FHIT: variants seen among roughly 807,000 people sequenced by gnomAD.
The protein encoded by FHIT is bis(5'-adenosyl)-triphosphatase.
A neutral mutation model predicts 17.9 loss-of-function variants in FHIT; 19 were observed. That is an observed-to-expected ratio of 1.06 (90% CI 0.74 to 1.56). FHIT has a LOEUF of 1.56. FHIT is among the 40% of genes most tolerant of loss of function. The pLI is 0.00. For missense variants in FHIT, 248 were observed against 189.2 expected (o/e 1.31, Z -1.82); for synonymous variants, 81 against 69.7 (o/e 1.16, Z -0.81).
chr3:61,186,747 G>T (rs1244279026), intron 2 of FHIT, among the ~76,000 whole-genome samples: 1 of 152,100 alleles, frequency 6.6e-6, no homozygotes, highest in Non-Finnish European at 1.5e-5. Context: ...ACCTTTCATC[G>T]TTTTTGTCAC....
At chr3:60,147,852 C>T in intron 5 of FHIT, among the ~76,000 whole-genome samples, 1 of 152,138 alleles carries the variant, frequency 6.6e-6, no homozygotes, top group East Asian at 1.9e-4. Flanking sequence ...CAAGTCTAGG[C>T]CTATTTGTGC....
chr3:60,726,847 CTA>C lies in FHIT; in HGVS notation c.-18+95070_-18+95071del, dbSNP rs752029972. ...AGAGTGAGACCTTGAACCCTGTAGT[CTA>C]TGTTTGTCCTCCTAATAGTGTCTCT... On this transcript the variant is annotated intron_variant, in intron 4 of 9. Transcript: ENST00000492590. Among the ~76,000 whole-genome samples the C allele has an allele frequency of 5.1e-4, 77 of 152,224 alleles. 1 individual carries two copies. The Middle Eastern group carries it at 0.017, about 34-fold the overall frequency.
intron 5 of FHIT, among the ~76,000 whole-genome samples, chr3:60,081,919 T>TTG (rs1703302693): frequency 6.6e-6 from 1 of 151,950 alleles, no homozygotes; most frequent in South Asian, 2.1e-4. Flanking sequence ...GATTTTTTTT[T>TTG]TTGTTCTACA....
At chr3:60,309,894 T>G (rs2106752163) in intron 5 of FHIT, among the ~76,000 whole-genome samples, 1 of 152,246 alleles carries the variant, frequency 6.6e-6, no homozygotes. Flanking sequence ...ACATATTACT[T>G]ACTATAATTT....
At chr3:60,226,015 G>A (rs1420394653) in intron 5 of FHIT, among the ~76,000 whole-genome samples, 2 of 152,110 alleles carry the variant, frequency 1.3e-5, no homozygotes, top group Non-Finnish European at 2.9e-5. Context: ...ACGAATCATG[G>A]GACTAAGCTA....
In FHIT at chr3:60,426,044, C is replaced by T. The variant is rs541666699; in HGVS notation, c.103+110816G>A. Among the ~76,000 whole-genome samples the T allele has an allele frequency of 2.6e-5, 4 of 152,174 alleles. No homozygotes were observed. The South Asian group carries it at 8.3e-4, about 32-fold the overall frequency. ...TCACACAAGTCATGACCAACAGAAC[C>T]ATGTAGAAAAGAGCATTTGTATTAA... On this transcript the variant is annotated intron_variant, in intron 5 of 9. Transcript: ENST00000492590.
intron 4 of FHIT, among the ~76,000 whole-genome samples, chr3:60,631,349 G>A (rs2039437095): frequency 6.6e-6 from 1 of 152,100 alleles, no homozygotes; most frequent in Admixed American, 6.5e-5. Flanking sequence ...CAAATAAAGG[G>A]AAAATTTTCC....
intron 2 of FHIT, among the ~76,000 whole-genome samples, chr3:61,166,627 C>A (rs1041699410): frequency 1.3e-5 from 2 of 152,246 alleles, no homozygotes; most frequent in African/African-American, 4.8e-5. Flanking sequence ...TAACTCAAAT[C>A]TGTTCAACAC....
chr3:60,660,185 A>C (rs2040207069), intron 4 of FHIT, among the ~76,000 whole-genome samples: 1 of 152,184 alleles, frequency 6.6e-6, no homozygotes, highest in Non-Finnish European at 1.5e-5. Context: ...AATCCCCTGG[A>C]AGTCACTTCA....
intron 8 of FHIT, among the ~76,000 whole-genome samples, chr3:59,830,788 A>C (rs563801603): frequency 6.6e-6 from 1 of 151,992 alleles, no homozygotes; most frequent in East Asian, 1.9e-4. Context: ...AAAAAGACTT[A>C]CAGTTAAGCA....
At chr3:60,928,408 C>A (rs7631312) in intron 3 of FHIT, among the ~76,000 whole-genome samples, 36,004 of 147,868 alleles carry the variant, frequency 0.24, 4,486 homozygotes, top group Middle Eastern at 0.33. Flanking sequence ...ATTAGCCAGG[C>A]ATGGTGGAGT....
At chr3:60,025,130 G>C (rs761174767) in intron 5 of FHIT, among the ~76,000 whole-genome samples, 9 of 152,164 alleles carry the variant, frequency 5.9e-5, no homozygotes, top group Non-Finnish European at 1.2e-4. Flanking sequence ...TTGAGATACG[G>C]TGGGTGGGAC....
chr3:60,476,193 C>T (rs1017736690), intron 5 of FHIT, among the ~76,000 whole-genome samples: 8 of 152,134 alleles, frequency 5.3e-5, no homozygotes, highest in Admixed American at 1.3e-4. Flanking sequence ...GCCTCAGTGT[C>T]CCTGAGTGTA....
intron 8 of FHIT, among the ~76,000 whole-genome samples, chr3:59,757,111 G>A (rs529999005): frequency 3.3e-5 from 5 of 152,150 alleles, no homozygotes; most frequent in South Asian, 2.1e-4. Flanking sequence ...CAACACCAAC[G>A]CTGATGTATT....
chr3:60,229,423 A>G (rs372369774), intron 5 of FHIT, among the ~76,000 whole-genome samples: 1 of 150,358 alleles, frequency 6.7e-6, no homozygotes, highest in African/African-American at 2.5e-5. Context: ...ATCATCAAAA[A>G]GAAAAAAAAA....
chr3:60,171,623 C>A (rs1257736021), intron 5 of FHIT, among the ~76,000 whole-genome samples: 2 of 152,076 alleles, frequency 1.3e-5, no homozygotes, highest in African/African-American at 4.8e-5. Flanking sequence ...AAATTCACAG[C>A]CTTCTATTCT....
At chr3:60,348,432 T>G (rs1427791968) in intron 5 of FHIT, among the ~76,000 whole-genome samples, 1 of 148,748 alleles carries the variant, frequency 6.7e-6, no homozygotes, top group Non-Finnish European at 1.5e-5. Context: ...AACTAAGGAT[T>G]TTATTTTTGG....
chr3:60,231,423 A>G (rs1310349826), intron 5 of FHIT, among the ~76,000 whole-genome samples: 1 of 152,190 alleles, frequency 6.6e-6, no homozygotes, highest in African/African-American at 2.4e-5. Context: ...AACACCTCAG[A>G]GTCTACCTGC....
intron 2 of FHIT, among the ~76,000 whole-genome samples, chr3:61,106,565 A>G (rs979648524): frequency 1.3e-5 from 2 of 152,202 alleles, no homozygotes; most frequent in Admixed American, 1.3e-4. Context: ...AAAATTGTAT[A>G]TATTTATCAG....
Sources: gnomAD v4.1 joint callset for allele counts (sites outside exome capture counted in the v4.1 genomes callset) on GRCh38, gnomAD v4.1.1 for gene constraint, MANE v1.5 for transcripts, NCBI Gene and HGNC (gene_info 2026-07-23, HGNC 2026-07-21) for gene names.